The following PARD3B variants were observed in gnomAD, a reference collection of about 807,000 sequenced individuals.
The protein encoded by PARD3B is par-3 family cell polarity regulator beta.
Under a neutral mutation model 130.2 loss-of-function variants are expected in PARD3B, and 103 were observed. The observed-to-expected ratio is 0.79, with a 90% confidence interval of 0.67 to 0.93. PARD3B has a LOEUF of 0.93. PARD3B is among the 40% of genes least tolerant of loss of function. PARD3B has a pLI of 0.00. For missense variants in PARD3B, 1,609 were observed against 1,499.2 expected (o/e 1.07, Z -1.21); for synonymous variants, 583 against 553.2 (o/e 1.05, Z -0.76).
intron 2 of PARD3B, among the ~76,000 whole-genome samples, chr2:204,925,242 C>T (rs747307318): frequency 6.6e-6 from 1 of 152,006 alleles, no homozygotes; most frequent in African/African-American, 2.4e-5. Context: ...TAAGCCTTGG[C>T]AGCTAGATAG....
At chr2:205,357,170 G>A (rs1025596417) in intron 18 of PARD3B, among the ~76,000 whole-genome samples, 2 of 152,152 alleles carry the variant, frequency 1.3e-5, no homozygotes, top group African/African-American at 4.8e-5. Context: ...TAAATATTAA[G>A]CACAGTGTGT....
chr2:204,806,559 G>A (rs1185767976), intron 2 of PARD3B, among the ~76,000 whole-genome samples: 4 of 152,054 alleles, frequency 2.6e-5, no homozygotes, highest in Non-Finnish European at 5.9e-5. Flanking sequence ...AAAACATTGA[G>A]GAAGCTCTTC....
rs927112928 is a variant in PARD3B at position 204,677,169 on chromosome 2, G to T, written c.121-9012G>T. On this transcript the variant is annotated intron_variant, in intron 1 of 22. Coordinates refer to ENST00000406610, the MANE Select transcript of PARD3B (RefSeq NM_001302769.2). The surrounding 1 kb of genome is among the most constrained non-coding windows in gnomAD (Gnocchi z 4.1). ...AGTTCTCATGTACTTATTTACGGAG[G>T]TCTAAGTGTTTAAGGTAAAACTTTT... 6.6e-6 allele frequency among the ~76,000 whole-genome samples: 1 copy of T among 152,120 alleles called. No individual in the cohort carries two copies. Among genetic ancestry groups the T allele is most frequent in the African/African-American group, 2.4e-5 (1 of 41,422 alleles).
At chr2:205,032,681 G>C (rs1052890360) in intron 3 of PARD3B, among the ~76,000 whole-genome samples, 4 of 152,164 alleles carry the variant, frequency 2.6e-5, no homozygotes, top group African/African-American at 7.2e-5. Flanking sequence ...GAAAGGGCCT[G>C]AGTGGCCCTT....
At chr2:204,864,259 C>T (rs1000231642) in intron 2 of PARD3B, among the ~76,000 whole-genome samples, 2 of 152,086 alleles carry the variant, frequency 1.3e-5, no homozygotes, top group Admixed American at 1.3e-4. Context: ...CAATGGGACC[C>T]ATTTTTTTCC....
intron 2 of PARD3B, among the ~76,000 whole-genome samples, chr2:204,730,140 T>C (rs1329677375): frequency 6.6e-6 from 1 of 152,108 alleles, no homozygotes; most frequent in Non-Finnish European, 1.5e-5. Context: ...AATGGCACAA[T>C]CTTGGCTCAC....
rs1264322132 is a variant in PARD3B, at chr2:205,021,081, A to G, written c.395-26500A>G. On this transcript the variant is annotated intron_variant, in intron 3 of 22. Transcript: ENST00000406610. This position sits in a 1 kb window ranked among gnomAD's most constrained non-coding sequence, Gnocchi z 4.5. ...AGAAAGGTGATGGGAGATGGTGGGC[A>G]GAGAAAGCACCAGTTCCTATGTACT... is the stretch of plus-strand genomic sequence containing the variant. Among the ~76,000 whole-genome samples, 3 of 152,168 alleles carry G rather than the reference A, an allele frequency of 2.0e-5. No homozygotes were observed. Among genetic ancestry groups the G allele is most frequent in the African/African-American group, 7.2e-5 (3 of 41,450 alleles).
chr2:205,329,829 A>G (rs2043051749), intron 18 of PARD3B, among the ~76,000 whole-genome samples: 1 of 151,676 alleles, frequency 6.6e-6, no homozygotes, highest in Non-Finnish European at 1.5e-5. Context: ...CATCTCTACT[A>G]AAAATAACAC....
At chr2:204,878,695 G>A (rs1055074319) in intron 2 of PARD3B, among the ~76,000 whole-genome samples, 1 of 152,090 alleles carries the variant, frequency 6.6e-6, no homozygotes, top group Admixed American at 6.6e-5. Flanking sequence ...GTTTATGTGT[G>A]TCACACATAT....
chr2:204,748,591 A>G (rs1453214964), intron 2 of PARD3B, among the ~76,000 whole-genome samples: 1 of 152,164 alleles, frequency 6.6e-6, no homozygotes, highest in Non-Finnish European at 1.5e-5. Context: ...GTACAAAGTT[A>G]GCATGCATTT....
intron 2 of PARD3B, among the ~76,000 whole-genome samples, chr2:204,743,973 T>C (rs2040113517): frequency 6.6e-6 from 1 of 152,140 alleles, no homozygotes; most frequent in Non-Finnish European, 1.5e-5. Flanking sequence ...TTTCAGAGTC[T>C]AACAAAACCC....
At position 204,889,508 on chromosome 2, in the gene PARD3B, C is replaced by G. The variant is rs552901198; in HGVS notation, c.223-75644C>G. On this transcript the variant is annotated intron_variant, in intron 2 of 22. Coordinates refer to ENST00000406610, the MANE Select transcript of PARD3B (RefSeq NM_001302769.2). ...AAGCCAACAACAACAGAACAATAAACCAAACAAAGTAGGGGGTCCTCTTTG... is the reference window on the plus strand; with the variant it reads ...AAGCCAACAACAACAGAACAATAAAGCAAACAAAGTAGGGGGTCCTCTTTG... Among the ~76,000 whole-genome samples the G allele has an allele frequency of 2.0e-5, 3 of 152,276 alleles. 1 individual carries two copies. The highest frequency in any genetic ancestry group is 7.2e-5 in the African/African-American group (3 of 41,558).
chr2:204,654,389 A>G lies in PARD3B; in HGVS notation c.121-31792A>G, dbSNP rs77042339. The stretch of plus-strand genomic sequence containing the variant: ...GTATCATGGGTGAATAGTTGCTTCT[A>G]TTCCCGTGTATTCCTCACTGAGCTT... On this transcript the variant is annotated intron_variant, in intron 1 of 22. Coordinates refer to ENST00000406610, the MANE Select transcript of PARD3B (RefSeq NM_001302769.2). Among the ~76,000 whole-genome samples, 69 of 150,966 alleles carry G rather than the reference A, an allele frequency of 4.6e-4. 1 individual carries two copies. The East Asian group carries it at 0.013, about 29-fold the overall frequency.
intron 1 of PARD3B, among the ~76,000 whole-genome samples, chr2:204,564,428 T>A (rs2031545975): frequency 6.6e-6 from 1 of 152,120 alleles, no homozygotes. Context: ...ATTGTAGTAG[T>A]TCTTAATTTG....
At chr2:204,776,401 A>G (rs1007864142) in intron 2 of PARD3B, among the ~76,000 whole-genome samples, 1 of 152,096 alleles carries the variant, frequency 6.6e-6, no homozygotes, top group Non-Finnish European at 1.5e-5. Context: ...AGGTGAGGTA[A>G]TAGAATAATT....
intron 4 of PARD3B, among the ~76,000 whole-genome samples, chr2:205,074,974 G>A (rs1700951201): frequency 6.6e-6 from 1 of 152,132 alleles, no homozygotes. Flanking sequence ...GTGTTCTGTA[G>A]CTCACTGAAT....
intron 15 of PARD3B, among the ~76,000 whole-genome samples, chr2:205,221,734 C>CTG (rs2038248662): frequency 6.6e-6 from 1 of 151,894 alleles, no homozygotes; most frequent in African/African-American, 2.4e-5. Flanking sequence ...GTCTCTCTCT[C>CTG]TCTGTCTGTC....
At chr2:204,936,221 G>A (rs1262969983) in intron 2 of PARD3B, among the ~76,000 whole-genome samples, 1 of 152,246 alleles carries the variant, frequency 6.6e-6, no homozygotes, top group African/African-American at 2.4e-5. Context: ...CACGGCATGG[G>A]CCACGTGCTG....
rs1482731694 is a variant in PARD3B, at chr2:204,623,776, T to C, written c.121-62405T>C. On this transcript the variant is annotated intron_variant, in intron 1 of 22. Transcript: ENST00000406610. The surrounding 1 kb of genome is among the most constrained non-coding windows in gnomAD (Gnocchi z 4.5). ...CTAGAACTGAATTATGTTGCATAAA[T>C]GAAGAATTTATACCCATTGAATAGC... Among the ~76,000 whole-genome samples, 1 of 152,186 alleles carries C rather than the reference T, an allele frequency of 6.6e-6. No individual in the cohort carries two copies. Among genetic ancestry groups the C allele is most frequent in the African/African-American group, 2.4e-5 (1 of 41,464 alleles).
Sources: gnomAD v4.1 joint callset for allele counts (sites outside exome capture counted in the v4.1 genomes callset) on GRCh38, gnomAD v4.1.1 for gene constraint, Gnocchi (gnomAD v3.1) non-coding constraint, MANE v1.5 for transcripts, NCBI Gene and HGNC (gene_info 2026-07-23, HGNC 2026-07-21) for gene names.